The following KCNIP4 variants were observed in gnomAD, a reference collection of about 807,000 sequenced individuals.
KCNIP4 encodes potassium voltage-gated channel interacting protein 4.
A neutral mutation model predicts 34.0 loss-of-function variants in KCNIP4; 12 were observed. That is an observed-to-expected ratio of 0.35 (90% confidence interval 0.23 to 0.57). The LOEUF is 0.57. Among genes scored for constraint, KCNIP4 ranks in the 20% least tolerant of loss-of-function variants. KCNIP4 has a pLI of 0.83. For synonymous variants in KCNIP4, 124 were observed against 102.2 expected, an observed-to-expected ratio of 1.21 and a Z score of -1.29; for missense variants, 238 against 311.7, an observed-to-expected ratio of 0.76 and a Z score of 1.78.
rs568444102 is a variant in KCNIP4, at chr4:20,801,994, A to G, written c.289-43104T>C. ...GAGTGGCTACAGTTATGTTTGATAA[A>G]TCAGACTTCAATTAAAAAAACTATC... On this transcript the variant is annotated intron_variant, in intron 3 of 8. Coordinates refer to ENST00000382152, the MANE Select transcript of KCNIP4 (RefSeq NM_025221.6). Among the ~76,000 whole-genome samples, 7 of 151,858 alleles carry G rather than the reference A, an allele frequency of 4.6e-5. No individual in the cohort carries two copies. The East Asian group carries it at 1.4e-3, about 30-fold the overall frequency.
chr4:21,019,937 T>C (rs1187063389), intron 1 of KCNIP4, among the ~76,000 whole-genome samples: 1 of 152,224 alleles, frequency 6.6e-6, no homozygotes, highest in African/African-American at 2.4e-5. Context: ...GAGCCTGGCA[T>C]ATTTATTTAA....
At chr4:21,714,180 T>C (rs748488759) in intron 1 of KCNIP4, among the ~76,000 whole-genome samples, 2 of 152,158 alleles carry the variant, frequency 1.3e-5, no homozygotes, top group Non-Finnish European at 2.9e-5. Context: ...AATTATAAAC[T>C]CTCTCTCAAG....
At chr4:21,136,757 C>T (rs1367043756) in intron 1 of KCNIP4, among the ~76,000 whole-genome samples, 1 of 152,130 alleles carries the variant, frequency 6.6e-6, no homozygotes, top group Non-Finnish European at 1.5e-5. Context: ...ACAGACAAAG[C>T]AGTGTCAGTC....
intron 1 of KCNIP4, among the ~76,000 whole-genome samples, chr4:21,627,652 T>C (rs374627395): frequency 9.8e-5 from 15 of 152,298 alleles, no homozygotes; most frequent in African/African-American, 3.6e-4. Flanking sequence ...AAATTTTCCA[T>C]GAAGAACTTG....
At chr4:21,660,516 G>C (rs1748358692) in intron 1 of KCNIP4, among the ~76,000 whole-genome samples, 1 of 152,130 alleles carries the variant, frequency 6.6e-6, no homozygotes, top group Non-Finnish European at 1.5e-5. Flanking sequence ...TGCTATCATA[G>C]GTAGTCACAG....
chr4:20,926,963 T>C (rs1349864872), intron 1 of KCNIP4, among the ~76,000 whole-genome samples: 2 of 152,068 alleles, frequency 1.3e-5, no homozygotes, highest in African/African-American at 4.8e-5. Context: ...CTTATTGTAA[T>C]TTTCTTTCTT....
At chr4:20,943,003 T>C (rs1731798442) in intron 1 of KCNIP4, among the ~76,000 whole-genome samples, 1 of 152,186 alleles carries the variant, frequency 6.6e-6, no homozygotes, top group Non-Finnish European at 1.5e-5. Context: ...GCTTATGTAC[T>C]TTTCCTTGAG....
chr4:21,461,426 T>A (rs1729455242), intron 1 of KCNIP4, among the ~76,000 whole-genome samples: 1 of 151,884 alleles, frequency 6.6e-6, no homozygotes, highest in Non-Finnish European at 1.5e-5. Context: ...TTGTGAAGTT[T>A]TTTTTTTTCA....
chr4:21,075,250 T>G (rs367601728), intron 1 of KCNIP4, among the ~76,000 whole-genome samples: 1 of 152,018 alleles, frequency 6.6e-6, no homozygotes, highest in Non-Finnish European at 1.5e-5. Context: ...TTAAAGTCTC[T>G]CATTATTATT....
intron 1 of KCNIP4, among the ~76,000 whole-genome samples, chr4:21,917,328 G>T (rs1728687862): frequency 6.6e-6 from 1 of 151,888 alleles, no homozygotes; most frequent in South Asian, 2.1e-4. Context: ...ATAGAGACTG[G>T]GTTTCACTAT....
chr4:20,991,567 C>A lies in KCNIP4; in HGVS notation c.62-108858G>T, dbSNP rs1040176017. 2.0e-5 allele frequency among the ~76,000 whole-genome samples: 3 copies of A among 152,190 alleles called. No individual in the cohort carries two copies. The South Asian group carries it at 6.2e-4, about 32-fold the overall frequency. Reference sequence around the variant, plus strand: ...AGATTCTCATAGATGGCCAGGGAGACGTGATCTAAAATGAATAAAAGAGGG... The same window carrying A: ...AGATTCTCATAGATGGCCAGGGAGAAGTGATCTAAAATGAATAAAAGAGGG... On this transcript the variant is annotated intron_variant, in intron 1 of 8. Coordinates refer to ENST00000382152, the MANE Select transcript of KCNIP4 (RefSeq NM_025221.6).
chr4:21,210,345 C>A (rs919382441), intron 1 of KCNIP4, among the ~76,000 whole-genome samples: 1 of 152,156 alleles, frequency 6.6e-6, no homozygotes, highest in Non-Finnish European at 1.5e-5. Flanking sequence ...CATTCTCCCT[C>A]AGCGAGATTT....
intron 1 of KCNIP4, among the ~76,000 whole-genome samples, chr4:20,989,226 C>G (rs535937382): frequency 1.5e-3 from 231 of 152,240 alleles, no homozygotes; most frequent in African/African-American, 5.3e-3. Flanking sequence ...TTACAGGGTC[C>G]AACTACTAAA....
chr4:21,803,991 C>T (rs533811553), intron 1 of KCNIP4, among the ~76,000 whole-genome samples: 1 of 152,238 alleles, frequency 6.6e-6, no homozygotes, highest in Non-Finnish European at 1.5e-5. Context: ...AAAGCAACCA[C>T]GTGGAACCAT....
intron 1 of KCNIP4, among the ~76,000 whole-genome samples, chr4:21,615,193 A>G (rs1257691142): frequency 6.6e-6 from 1 of 152,150 alleles, no homozygotes; most frequent in Non-Finnish European, 1.5e-5. Context: ...ATCAAAGGAA[A>G]AAAGAAAAAA....
intron 1 of KCNIP4, among the ~76,000 whole-genome samples, chr4:21,534,639 T>C (rs1339429019): frequency 1.3e-5 from 2 of 152,134 alleles, no homozygotes; most frequent in Middle Eastern, 3.2e-3. Flanking sequence ...ATAAGTGCCC[T>C]TTCCATTTTC....
At chr4:21,643,467 C>T (rs1746762216) in intron 1 of KCNIP4, among the ~76,000 whole-genome samples, 1 of 151,918 alleles carries the variant, frequency 6.6e-6, no homozygotes, top group Admixed American at 6.6e-5. Context: ...ATATGAGTGC[C>T]AGGTTTACAA....
At chr4:20,967,201 C>A (rs904541252) in intron 1 of KCNIP4, among the ~76,000 whole-genome samples, 19 of 152,142 alleles carry the variant, frequency 1.2e-4, no homozygotes, top group African/African-American at 4.3e-4. Flanking sequence ...TGGTCTTAAA[C>A]TTCGTCACAT....
intron 1 of KCNIP4, among the ~76,000 whole-genome samples, chr4:21,412,672 T>TCTA (rs1724610621): frequency 1.3e-5 from 2 of 152,210 alleles, no homozygotes; most frequent in Non-Finnish European, 2.9e-5. Flanking sequence ...GATATGTAGA[T>TCTA]GCCTTTTAAA....
Sources: allele counts gnomAD v4.1 joint callset (sites outside exome capture counted in the v4.1 genomes callset), GRCh38; gene constraint gnomAD v4.1.1; transcripts MANE v1.5; gene names NCBI Gene and HGNC (gene_info 2026-07-23, HGNC 2026-07-21).